The following ARHGAP39 variants were observed in gnomAD, a reference collection of about 807,000 sequenced individuals.
ARHGAP39 encodes the protein Rho GTPase activating protein 39.
A neutral mutation model predicts 106.9 loss-of-function variants in ARHGAP39; 44 were observed. That is an observed-to-expected ratio of 0.41 (90% confidence interval 0.32 to 0.53). ARHGAP39 has a LOEUF of 0.53. Ranked by LOEUF, ARHGAP39 falls within the 20% of genes least tolerant of loss-of-function variation. The pLI, the probability that ARHGAP39 is intolerant of heterozygous loss-of-function variation, is 0.21. For synonymous variants in ARHGAP39, 768 were observed against 693.2 expected (o/e 1.11, Z -1.69); for missense variants, 1,496 against 1,577.3 (o/e 0.95, Z 0.87).
At chr8:144,659,524 C>G (rs1229064683) in intron 1 of ARHGAP39, among the ~76,000 whole-genome samples, 1 of 152,198 alleles carries the variant, frequency 6.6e-6, no homozygotes, top group Non-Finnish European at 1.5e-5. Flanking sequence ...TCAATCACAC[C>G]AGCCCTCTGA....
chr8:144,534,419 C>G (rs114373751), intron 7 of ARHGAP39, among the ~76,000 whole-genome samples: 1,572 of 152,294 alleles, frequency 0.01, 32 homozygotes, highest in African/African-American at 0.036. Flanking sequence ...GAGGGACAGG[C>G]TTGGGAGGAA....
intron 1 of ARHGAP39, among the ~76,000 whole-genome samples, chr8:144,606,516 A>G (rs1371314418): frequency 6.6e-6 from 1 of 152,256 alleles, no homozygotes; most frequent in African/African-American, 2.4e-5. Flanking sequence ...AGTAGATATT[A>G]CAATAGCATA....
intron 3 of ARHGAP39, 152 bp from the exon 4 acceptor site, chr8:144,555,795 C>A: frequency 2.9e-6 from 2 of 694,644 alleles, no homozygotes; most frequent in Admixed American, 2.1e-5. Flanking sequence ...ATCTTCTGCC[C>A]TGAGTCCACC....
Position 144,559,354 on chromosome 8 carries a change from C to CAAAAA in ARHGAP39, c.513-3716_513-3712dup, listed in dbSNP as rs59435627. Among the ~76,000 whole-genome samples, 11 of 42,930 alleles carry CAAAAA rather than the reference C, an allele frequency of 2.6e-4. 1 individual carries two copies. Among genetic ancestry groups the CAAAAA allele is most frequent in the African/African-American group, 1.2e-3 (11 of 8,830 alleles). The allele number at this position is 42,930 out of a possible 152,430, so 28.2% of individuals were successfully genotyped here. On this transcript the variant is annotated intron_variant, in intron 3 of 11. Coordinates refer to ENST00000377307, the MANE Select transcript of ARHGAP39 (RefSeq NM_025251.3). ...CCGGGTGACAGAGTGACTTTGTCTC[C>CAAAAA]AAAAAAAAAAAAAAAAAAAAAAAAA... is the stretch of plus-strand genomic sequence containing the variant.
At chr8:144,611,929 A>G (rs571847520) in intron 1 of ARHGAP39, among the ~76,000 whole-genome samples, 1 of 151,916 alleles carries the variant, frequency 6.6e-6, no homozygotes, top group African/African-American at 2.4e-5. Context: ...GAATCGCCTG[A>G]ATCTGGGAGG....
rs1344541788 is a variant in ARHGAP39 at position 144,671,621 on chromosome 8, C to T, written c.-82+14065G>A. 6.6e-6 allele frequency among the ~76,000 whole-genome samples: 1 copy of T among 152,222 alleles called. No individual in the cohort carries two copies. The highest frequency in any genetic ancestry group is 2.4e-5 in the African/African-American group (1 of 41,452). ...GGCTCTTTCTGTGCCTGGTGAATAG[C>T]CCAAGGCTCAGCTGCTGATACTCCT... On this transcript the variant is annotated intron_variant, in intron 1 of 11. Coordinates refer to ENST00000377307, the MANE Select transcript of ARHGAP39 (RefSeq NM_025251.3). This position sits in a 1 kb window ranked among gnomAD's most constrained non-coding sequence, Gnocchi z 4.5.
At position 144,555,368 on chromosome 8, in the gene ARHGAP39, C is replaced by T. The variant is rs376720561; in HGVS notation, c.596+192G>A. On this transcript the variant is annotated intron_variant, in intron 4 of 11. Coordinates refer to ENST00000377307, the MANE Select transcript of ARHGAP39 (RefSeq NM_025251.3). ...CAGAGACAAAGTTCCTAGACAGGGG[C>T]TGCCAATGGGCCTGGGGCAGCTCTA... Among the ~76,000 whole-genome samples the T allele has an allele frequency of 4.5e-3, 687 of 152,356 alleles. 3 individuals are homozygous for T. The highest frequency in any genetic ancestry group is 7.2e-3 in the African/African-American group (298 of 41,584).
rs150601050 is a variant in ARHGAP39 at position 144,620,087 on chromosome 8, C to T, written c.-81-14392G>A. Among the ~76,000 whole-genome samples the T allele has an allele frequency of 2.0e-3, 231 of 113,202 alleles. 1 individual carries two copies. Among genetic ancestry groups the T allele is most frequent in the African/African-American group, 7.3e-3 (211 of 28,814 alleles). The allele number at this position is 113,202 out of a possible 152,430, so 74.3% of individuals were successfully genotyped here. On this transcript the variant is annotated intron_variant, in intron 1 of 11. Coordinates refer to ENST00000377307, the MANE Select transcript of ARHGAP39 (RefSeq NM_025251.3). ...GCGTGTCTGTGTGTGCCCGAGTGTGCGTTGAGCCTGTGTGTCCCTGAGCAT... is the reference window on the plus strand; with the variant it reads ...GCGTGTCTGTGTGTGCCCGAGTGTGTGTTGAGCCTGTGTGTCCCTGAGCAT...
At chr8:144,566,147 C>T (rs980049581) in intron 3 of ARHGAP39, among the ~76,000 whole-genome samples, 1 of 152,024 alleles carries the variant, frequency 6.6e-6, no homozygotes, top group African/African-American at 2.4e-5. Flanking sequence ...ATTTCTCAAA[C>T]GTGATGAAGA....
intron 1 of ARHGAP39, among the ~76,000 whole-genome samples, chr8:144,620,839 C>T (rs939137602): frequency 2.6e-5 from 4 of 152,238 alleles, no homozygotes; most frequent in Admixed American, 1.3e-4. Flanking sequence ...AGAAGAGGGG[C>T]CGTGAGGACC....
intron 3 of ARHGAP39, among the ~76,000 whole-genome samples, chr8:144,561,263 C>A (rs1306934160): frequency 7.4e-6 from 1 of 134,564 alleles, no homozygotes; most frequent in Non-Finnish European, 1.5e-5. Context: ...GTCCATCAGA[C>A]CCCAGTGGTT....
intron 1 of ARHGAP39, among the ~76,000 whole-genome samples, chr8:144,666,552 T>G (rs1047283285): frequency 1.4e-4 from 21 of 152,158 alleles, no homozygotes; most frequent in Non-Finnish European, 1.5e-5. Context: ...TGTGCTATTC[T>G]CGTGATAGTG....
Position 144,684,351 on chromosome 8 carries a change from G to A in ARHGAP39, c.-82+1335C>T, listed in dbSNP as rs1822519563. Among the ~76,000 whole-genome samples, 1 of 152,228 alleles carries A rather than the reference G, an allele frequency of 6.6e-6. No homozygotes were observed. On this transcript the variant is annotated intron_variant, in intron 1 of 11. Transcript: ENST00000377307. This position sits in a 1 kb window ranked among gnomAD's most constrained non-coding sequence, Gnocchi z 4.4. Reference sequence around the variant, plus strand: ...TGCTCCTTGTGGATCGGGCGCCGCCGACGGAACCACCTGCTGTCTATAGAG... The same window carrying A: ...TGCTCCTTGTGGATCGGGCGCCGCCAACGGAACCACCTGCTGTCTATAGAG...
At chr8:144,635,067 T>C (rs186656263) in intron 1 of ARHGAP39, among the ~76,000 whole-genome samples, 1 of 152,386 alleles carries the variant, frequency 6.6e-6, no homozygotes, top group East Asian at 1.9e-4. Flanking sequence ...TACTGTAAAA[T>C]GTGTGCTTGG....
chr8:144,649,940 C>T (rs1249437629), intron 1 of ARHGAP39, among the ~76,000 whole-genome samples: 1 of 151,976 alleles, frequency 6.6e-6, no homozygotes, highest in Admixed American at 6.6e-5. Context: ...GTCAGGAGTT[C>T]GAGACCAGCC....
chr8:144,535,396 G>A (rs1586873978), intron 7 of ARHGAP39, among the ~76,000 whole-genome samples: 2 of 152,246 alleles, frequency 1.3e-5, no homozygotes, highest in Admixed American at 1.3e-4. Context: ...CTTGGCAGAG[G>A]ATGTGGCCCC....
At chr8:144,608,347 C>G (rs181028604) in intron 1 of ARHGAP39, among the ~76,000 whole-genome samples, 2 of 152,160 alleles carry the variant, frequency 1.3e-5, no homozygotes, top group African/African-American at 4.8e-5. Context: ...CCACCTTGAC[C>G]AACTCCTTCC....
rs757330784 is a variant in ARHGAP39, at chr8:144,548,475, C to A, written c.611G>T (p.Arg204Leu). 1.2e-6 allele frequency: 2 copies of A among 1,609,704 alleles called. No homozygotes were observed. The highest frequency in any genetic ancestry group is 3.3e-5 in the Admixed American group (2 of 59,892). The change falls in exon 5 of 12, where the codon CGG (arginine) becomes CTG (leucine). Residue 204 changes from arginine to leucine, a missense_variant. By Grantham distance (102) the Arg-to-Leu change is moderately radical. Transcript: ENST00000377307. This position sits in a 1 kb window ranked among gnomAD's most constrained non-coding sequence, Gnocchi z 7.4. The stretch of plus-strand genomic sequence containing the variant: ...GCGCTCTTTGGCGCCCGAGTTCCAC[C>A]GCAGCGAGGAGGTCCTGCGTGGGGG... ...QLLHYRTSSLRWNSGAKERML... is the reference protein window; with the variant it reads ...QLLHYRTSSLLWNSGAKERML...
At chr8:144,617,767 A>G (rs916197635) in intron 1 of ARHGAP39, among the ~76,000 whole-genome samples, 1 of 152,076 alleles carries the variant, frequency 6.6e-6, no homozygotes, top group Non-Finnish European at 1.5e-5. Context: ...CATTGATTTT[A>G]AAAATTCTAT....
Sources: allele counts gnomAD v4.1 joint callset (sites outside exome capture counted in the v4.1 genomes callset), GRCh38; gene constraint gnomAD v4.1.1; non-coding constraint Gnocchi (gnomAD v3.1); transcripts MANE v1.5; gene names NCBI Gene and HGNC (gene_info 2026-07-23, HGNC 2026-07-21).